CAST: variants seen among roughly 807,000 people sequenced by gnomAD.
CAST encodes the protein calpastatin, also known as MIR583 host.
In CAST, 76 loss-of-function variants were observed where a neutral mutation model predicts 119.6. That is an observed-to-expected ratio of 0.64 (90% CI 0.53 to 0.77). The LOEUF (loss-of-function observed/expected upper bound fraction) is 0.77, where lower values mean the gene tolerates loss of function less well. Among genes scored for constraint, CAST ranks in the 30% least tolerant of loss-of-function variants. The pLI is 0.00. For missense variants in CAST, 953 were observed against 946.5 expected (o/e 1.01, Z -0.09); for synonymous variants, 319 against 331.6 (o/e 0.96, Z 0.41).
the CAST span, among the ~76,000 whole-genome samples, chr5:96,149,634 A>C: frequency 6.6e-6 from 1 of 152,156 alleles, no homozygotes; most frequent in Non-Finnish European, 1.5e-5. Flanking sequence ...AGAGGTCCAG[A>C]TTTATTTCTG....
intron 4 of CAST, among the ~76,000 whole-genome samples, chr5:96,725,947 G>A (rs528298600): frequency 1.2e-4 from 19 of 152,242 alleles, no homozygotes; most frequent in African/African-American, 4.6e-4. Context: ...TCCCAAAATA[G>A]TGTGTTAGCC....
At chr5:95,993,784 T>G in the CAST span, among the ~76,000 whole-genome samples, 2 of 152,008 alleles carry the variant, frequency 1.3e-5, no homozygotes, top group Middle Eastern at 3.4e-3. Context: ...CAACCAATAA[T>G]AAGAAAACAA....
chr5:96,046,158 A>G, the CAST span, among the ~76,000 whole-genome samples: 9 of 152,030 alleles, frequency 5.9e-5, no homozygotes, highest in African/African-American at 2.2e-4. Flanking sequence ...GAAGGGGAGG[A>G]GATGAAGTAA....
chr5:96,418,954 G>A, the CAST span, among the ~76,000 whole-genome samples: 1 of 152,010 alleles, frequency 6.6e-6, no homozygotes, highest in Non-Finnish European at 1.5e-5. Context: ...GTTACTAAAT[G>A]AGAAGCTGTG....
the CAST span, among the ~76,000 whole-genome samples, chr5:96,222,847 A>G: frequency 6.6e-6 from 1 of 152,190 alleles, no homozygotes; most frequent in Non-Finnish European, 1.5e-5. Context: ...AATAGCATAG[A>G]TATGGAATCA....
the CAST span, among the ~76,000 whole-genome samples, chr5:96,309,966 G>A: frequency 3.3e-5 from 5 of 152,160 alleles, no homozygotes. Flanking sequence ...CCAAACTGTT[G>A]AATGTAAGTG....
chr5:96,599,974 A>AAAAAAAAAAAAAAAAAAAAAAAACAAAAC (rs1460109288), intron 1 of CAST, among the ~76,000 whole-genome samples: 1 of 125,672 alleles, frequency 8.0e-6, no homozygotes, highest in Non-Finnish European at 1.7e-5. Context: ...GGCAAAAAAA[A>AAAAAAAAAAAAAAAAAAAAAAAACAAAAC]AAAAAAAAAC....
At chr5:96,166,852 A>G in the CAST span, among the ~76,000 whole-genome samples, 23 of 152,138 alleles carry the variant, frequency 1.5e-4, no homozygotes, top group Admixed American at 1.4e-3. Flanking sequence ...AATAAGAAAA[A>G]TAAAACAAAA....
chr5:96,047,490 A>C, the CAST span, among the ~76,000 whole-genome samples: 1 of 152,176 alleles, frequency 6.6e-6, no homozygotes, highest in Non-Finnish European at 1.5e-5. Flanking sequence ...TCTAACAAAG[A>C]CTTTCAAAGA....
chr5:96,055,436 A>G, the CAST span, among the ~76,000 whole-genome samples: 3 of 152,192 alleles, frequency 2.0e-5, no homozygotes, highest in Non-Finnish European at 4.4e-5. Context: ...TTTGGAGAGC[A>G]TGCTGTATTT....
chr5:96,040,319 C>T, the CAST span, among the ~76,000 whole-genome samples: 72 of 152,274 alleles, frequency 4.7e-4, no homozygotes, highest in Admixed American at 1.0e-3. Context: ...CATCTGCAAA[C>T]AGAGACAATT....
the CAST span, among the ~76,000 whole-genome samples, chr5:96,124,243 A>C: frequency 6.6e-6 from 1 of 152,054 alleles, no homozygotes; most frequent in Non-Finnish European, 1.5e-5. Context: ...CACAGCGGCT[A>C]TCTGTAGGTG....
the CAST span, among the ~76,000 whole-genome samples, chr5:96,342,174 G>A: frequency 0.021 from 3,245 of 152,272 alleles, 117 homozygotes; most frequent in African/African-American, 0.074. Flanking sequence ...GCAAACACAG[G>A]CCTCCTTCCT....
At chr5:96,326,963 T>C in the CAST span, among the ~76,000 whole-genome samples, 1 of 152,178 alleles carries the variant, frequency 6.6e-6, no homozygotes, top group African/African-American at 2.4e-5. Context: ...CTGGAACGGT[T>C]GAAGGGGGAT....
chr5:96,585,000 C>T (rs780742066), intron 1 of CAST: 3 of 152,206 alleles, frequency 2.0e-5, no homozygotes, highest in African/African-American at 7.2e-5. Flanking sequence ...CAAGCTGAAA[C>T]GTGGTTTGCA....
At chr5:96,662,894 C>T (rs555982720) in intron 1 of CAST, 3 of 573,122 alleles carry the variant, frequency 5.2e-6, no homozygotes, top group African/African-American at 2.0e-5. Flanking sequence ...GCGTGGCTGC[C>T]TGGAGACGCA....
At chr5:96,219,358 T>C in the CAST span, among the ~76,000 whole-genome samples, 2 of 152,252 alleles carry the variant, frequency 1.3e-5, no homozygotes, top group Non-Finnish European at 2.9e-5. Context: ...TCATCCATTT[T>C]GCCCCTGTCT....
the CAST span, among the ~76,000 whole-genome samples, chr5:96,367,622 C>T: frequency 1.3e-5 from 2 of 152,076 alleles, no homozygotes; most frequent in Non-Finnish European, 2.9e-5. Context: ...ACCCTCCGTG[C>T]CAGGCGCGGG....
At chr5:96,477,677 T>G in the CAST span, among the ~76,000 whole-genome samples, 1 of 152,222 alleles carries the variant, frequency 6.6e-6, no homozygotes, top group Non-Finnish European at 1.5e-5. Context: ...TCTCTACTCA[T>G]CATTATCCCA....
Sources: gnomAD v4.1 joint callset for allele counts (sites outside exome capture counted in the v4.1 genomes callset) on GRCh38, gnomAD v4.1.1 for gene constraint, MANE v1.5 for transcripts, NCBI Gene and HGNC (gene_info 2026-07-23, HGNC 2026-07-21) for gene names.